Variants in RUNX1 observed in about 807,000 individuals in gnomAD.
RUNX1 encodes RUNX family transcription factor 1.
A neutral mutation model predicts 42.8 loss-of-function variants in RUNX1; 19 were observed. The ratio of observed to expected loss-of-function variants is 0.44; its 90% confidence interval spans 0.31 to 0.65. RUNX1 has a LOEUF of 0.65. RUNX1 is among the 30% of genes least tolerant of loss of function. The probability of loss-of-function intolerance (pLI) is 0.07; values close to 1 mark genes in which losing one functional copy is unlikely to be tolerated. For missense variants in RUNX1, 528 were observed against 672.0 expected (o/e 0.79, Z 2.37); for synonymous variants, 271 against 289.4 (o/e 0.94, Z 0.64).
In RUNX1 at chr21:34,958,657, C is replaced by G. The variant is rs541667073; in HGVS notation, c.59-65694G>C. Among the ~76,000 whole-genome samples, 24 of 152,288 alleles carry G rather than the reference C, an allele frequency of 1.6e-4. No homozygotes were observed. In the South Asian group the frequency reaches 4.8e-3, roughly 30 times the overall value. On this transcript the variant is annotated intron_variant, in intron 2 of 8. Transcript: ENST00000675419. ...GTCAGTGTGGTGATTCCTCAGGGAT[C>G]TAGAACTAGAAATACCATTTGACCC...
intron 5 of RUNX1, among the ~76,000 whole-genome samples, chr21:34,873,676 T>C (rs923196567): frequency 2.0e-5 from 3 of 152,168 alleles, no homozygotes; most frequent in African/African-American, 7.2e-5. Context: ...TTCGGTGATG[T>C]CAAATGGAGC....
rs57301467 is a variant in RUNX1 at position 34,862,562 on chromosome 21, G to A, written c.509-2984C>T. ...TAGGGAGGATCCTTGCCTCTTTCTC[G>A]CTTCGGATGGTGGCCAGCATTTCTT... On this transcript the variant is annotated intron_variant, in intron 5 of 8. Transcript: ENST00000675419. Among the ~76,000 whole-genome samples, 1,068 of 152,244 alleles carry A rather than the reference G, an allele frequency of 7.0e-3. 15 individuals carry two copies. Among genetic ancestry groups the A allele is most frequent in the African/African-American group, 0.024 (1,006 of 41,544 alleles).
chr21:35,020,666 C>G (rs529172639), intron 2 of RUNX1, among the ~76,000 whole-genome samples: 1 of 152,106 alleles, frequency 6.6e-6, no homozygotes, highest in African/African-American at 2.4e-5. Context: ...TCGACTTCCT[C>G]CTCTTGCCCC....
At chr21:34,983,555 C>T (rs996415573) in intron 2 of RUNX1, among the ~76,000 whole-genome samples, 7 of 152,152 alleles carry the variant, frequency 4.6e-5, no homozygotes, top group Admixed American at 2.0e-4. Flanking sequence ...TCTTTACTGT[C>T]TTATCTAAGA....
chr21:34,855,652 T>A (rs2057485261), intron 6 of RUNX1, among the ~76,000 whole-genome samples: 1 of 152,182 alleles, frequency 6.6e-6, no homozygotes, highest in African/African-American at 2.4e-5. Context: ...GAGGTTGCAG[T>A]GAGCCGAGAT....
intron 2 of RUNX1, among the ~76,000 whole-genome samples, chr21:34,930,912 T>C (rs1350431119): frequency 1.3e-5 from 2 of 152,134 alleles, no homozygotes; most frequent in African/African-American, 4.8e-5. Flanking sequence ...CTTCCAAACT[T>C]TCTTGGTTGA....
Position 34,904,338 on chromosome 21 carries a change from A to C in RUNX1, c.59-11375T>G, listed in dbSNP as rs147737404. ...AAATTAAACTAAAACATCTGAAAAT[A>C]GATATGACTTGATAGCTAATTTTTA... On this transcript the variant is annotated intron_variant, in intron 2 of 8. Coordinates refer to ENST00000675419, the MANE Select transcript of RUNX1 (RefSeq NM_001754.5). 2.6e-3 allele frequency among the ~76,000 whole-genome samples: 403 copies of C among 152,316 alleles called. 3 individuals carry two copies. Among genetic ancestry groups the C allele is most frequent in the African/African-American group, 9.3e-3 (387 of 41,580 alleles).
intron 7 of RUNX1, among the ~76,000 whole-genome samples, chr21:34,808,452 G>T (rs372145637): frequency 6.6e-6 from 1 of 152,142 alleles, no homozygotes; most frequent in Admixed American, 6.5e-5. Flanking sequence ...TCACCTCGCC[G>T]GGGAAGCTTT....
At chr21:35,002,303 C>T (rs1052826697) in intron 2 of RUNX1, among the ~76,000 whole-genome samples, 1 of 151,884 alleles carries the variant, frequency 6.6e-6, no homozygotes, top group East Asian at 1.9e-4. Flanking sequence ...CCCTCCTTCA[C>T]CAGCTTTGCA....
Position 34,936,885 on chromosome 21 carries a change from T to C in RUNX1, c.59-43922A>G, listed in dbSNP as rs566126342. On this transcript the variant is annotated intron_variant, in intron 2 of 8. Transcript: ENST00000675419. ...TTTTTTTTTCTTCCTATCCAGACTA[T>C]AATTTATGGTGGTTTAGTGGGAAAA... is the stretch of plus-strand genomic sequence containing the variant. Among the ~76,000 whole-genome samples, 5 of 152,280 alleles carry C rather than the reference T, an allele frequency of 3.3e-5. No individual in the cohort carries two copies. In the South Asian group the frequency reaches 1.0e-3, roughly 32 times the overall value.
At chr21:34,871,587 C>T (rs1164996127) in intron 5 of RUNX1, among the ~76,000 whole-genome samples, 1 of 152,100 alleles carries the variant, frequency 6.6e-6, no homozygotes, top group East Asian at 1.9e-4. Flanking sequence ...ATCATCGTGC[C>T]CTGAATCTCA....
intron 5 of RUNX1, among the ~76,000 whole-genome samples, chr21:34,878,360 A>T (rs56722642): frequency 0.26 from 34,661 of 132,558 alleles, 5,186 homozygotes; most frequent in African/African-American, 0.44. Context: ...AAAAAAAAAA[A>T]ATATATATAT....
chr21:35,015,140 G>T (rs1601674595), intron 2 of RUNX1, among the ~76,000 whole-genome samples: 2 of 152,252 alleles, frequency 1.3e-5, no homozygotes, highest in Non-Finnish European at 2.9e-5. Context: ...CACCAGCTCT[G>T]CCTTTTCCTG....
intron 2 of RUNX1, among the ~76,000 whole-genome samples, chr21:34,936,511 C>A (rs1023455311): frequency 6.6e-6 from 1 of 152,164 alleles, no homozygotes; most frequent in Non-Finnish European, 1.5e-5. Flanking sequence ...ACAGGATGGG[C>A]GTCCCCATAG....
At chr21:35,002,649 A>T (rs2146881367) in intron 2 of RUNX1, among the ~76,000 whole-genome samples, 1 of 152,012 alleles carries the variant, frequency 6.6e-6, no homozygotes, top group African/African-American at 2.4e-5. Flanking sequence ...GCTGGTCTTG[A>T]ACTCCTAATC....
intron 2 of RUNX1, among the ~76,000 whole-genome samples, chr21:34,997,923 C>G (rs533199478): frequency 1.3e-5 from 2 of 152,306 alleles, no homozygotes; most frequent in South Asian, 4.1e-4. Flanking sequence ...AAAGAAGGTT[C>G]TGCAAGATGG....
chr21:34,965,621 T>C (rs2058713221), intron 2 of RUNX1, among the ~76,000 whole-genome samples: 1 of 152,098 alleles, frequency 6.6e-6, no homozygotes, highest in South Asian at 2.1e-4. Context: ...AAGAACTGCA[T>C]GTCCTTGTTT....
intron 2 of RUNX1, among the ~76,000 whole-genome samples, chr21:34,971,304 T>G (rs1384992772): frequency 6.6e-6 from 1 of 152,224 alleles, no homozygotes; most frequent in East Asian, 1.9e-4. Context: ...TTAAAATTTC[T>G]TAACTTCCCT....
intron 7 of RUNX1, among the ~76,000 whole-genome samples, chr21:34,810,006 T>C (rs534697737): frequency 6.6e-6 from 1 of 152,320 alleles, no homozygotes; most frequent in South Asian, 2.1e-4. Flanking sequence ...CTCTGGTGAC[T>C]ACCCCATCCA....
Sources: gnomAD v4.1 joint callset for allele counts (sites outside exome capture counted in the v4.1 genomes callset) on GRCh38, gnomAD v4.1.1 for gene constraint, MANE v1.5 for transcripts, NCBI Gene and HGNC (gene_info 2026-07-23, HGNC 2026-07-21) for gene names.